The following HMCN1 variants were observed in gnomAD, a reference collection of about 807,000 sequenced individuals.
The protein encoded by HMCN1 is hemicentin 1.
A neutral mutation model predicts 625.9 loss-of-function variants in HMCN1; 321 were observed. The observed-to-expected ratio is 0.51, with a 90% CI of 0.47 to 0.56. The LOEUF (loss-of-function observed/expected upper bound fraction) is 0.56. HMCN1 is among the 20% of genes least tolerant of loss of function. The pLI, the probability that HMCN1 is intolerant of heterozygous loss-of-function variation, is 0.00. For synonymous variants in HMCN1, 2,425 were observed against 2,417.6 expected (o/e 1.00, Z -0.09); for missense variants, 6,588 against 6,887.3 (o/e 0.96, Z 1.54).
In HMCN1 at chr1:185,997,409, T is replaced by C. The variant is rs762251311; in HGVS notation, c.3779-20T>C. On this transcript the variant is annotated intron_variant, in intron 24 of 106. Coordinates refer to ENST00000271588, the MANE Select transcript of HMCN1 (RefSeq NM_031935.3). ...ATTGCTCAAAGAAAGCCTGTGATAA[T>C]GCATTTATTTTCCTAATAGAACCAC... 8 of 1,486,594 alleles carry C rather than the reference T, an allele frequency of 5.4e-6. No homozygotes were observed. The highest frequency in any genetic ancestry group is 1.7e-4 in the Middle Eastern group (1 of 5,848). 92.1% of individuals were successfully genotyped at this position (1,486,594 alleles called of 1,614,324 possible).
chr1:186,154,367 C>T (rs1031539715), intron 97 of HMCN1, among the ~76,000 whole-genome samples: 2 of 152,062 alleles, frequency 1.3e-5, no homozygotes, highest in African/African-American at 4.8e-5. Flanking sequence ...CATGGTAATA[C>T]AAAAATTAGC....
chr1:185,796,626 CTGTGTGTGTG>C (rs150495815), intron 1 of HMCN1, among the ~76,000 whole-genome samples: 11 of 148,784 alleles, frequency 7.4e-5, no homozygotes, highest in South Asian at 2.1e-4. Context: ...GAGTTTGTGT[CTGTGTGTGTG>C]TGTGTGTGTG....
chr1:185,987,087 A>G (rs1453758159), intron 19 of HMCN1, among the ~76,000 whole-genome samples: 1 of 151,790 alleles, frequency 6.6e-6, no homozygotes, highest in Non-Finnish European at 1.5e-5. Flanking sequence ...GGAGACATGC[A>G]TTAAATGTGT....
chr1:186,007,460 A>T (rs925353525), intron 30 of HMCN1, among the ~76,000 whole-genome samples, 178 bp downstream of exon 30: 3 of 152,166 alleles, frequency 2.0e-5, no homozygotes, highest in African/African-American at 7.2e-5. Flanking sequence ...ATCAAATTTT[A>T]ATGCCTTTTT....
chr1:186,000,765 A>G (rs1179606926), intron 26 of HMCN1, among the ~76,000 whole-genome samples: 1 of 152,072 alleles, frequency 6.6e-6, no homozygotes, highest in Non-Finnish European at 1.5e-5. Flanking sequence ...CTAACTGTAT[A>G]GCATCTCATT....
At chr1:185,782,772 C>T (rs1268996451) in intron 1 of HMCN1, among the ~76,000 whole-genome samples, 1 of 152,114 alleles carries the variant, frequency 6.6e-6, no homozygotes, top group East Asian at 1.9e-4. Context: ...TCTGGGTGCC[C>T]TTAACATTTT....
intron 11 of HMCN1, among the ~76,000 whole-genome samples, chr1:185,942,366 C>G (rs1380169199): frequency 6.6e-6 from 1 of 152,042 alleles, no homozygotes; most frequent in African/African-American, 2.4e-5. Flanking sequence ...TTTAAGTGAG[C>G]TAGTGGAAAA....
chr1:186,157,361 C>T (rs1446514946), intron 97 of HMCN1, among the ~76,000 whole-genome samples: 1 of 151,930 alleles, frequency 6.6e-6, no homozygotes. Flanking sequence ...ATATGAAAAT[C>T]AATAAAAGGA....
Position 185,962,558 on chromosome 1 carries a change from C to T in HMCN1, c.1869C>T (p.Phe623=). Residue 623 remains phenylalanine, a synonymous_variant, in exon 12 of 107, where the codon TTC becomes TTT. Transcript: ENST00000271588. ...CTGTGATGCCCAAGAATCAGTCTTT[C>T]ACAGGAGGGTCTGAGGTCTCCATCA... ...KVTVMPKNQS[F]TGGSEVSIMC... is the part of the protein sequence containing the mutation. 1.9e-6 allele frequency: 3 copies of T among 1,612,610 alleles called. No homozygotes were observed. The highest frequency in any genetic ancestry group is 2.5e-6 in the Non-Finnish European group (3 of 1,178,682).
At chr1:186,040,646 G>A (rs767261164) in intron 39 of HMCN1, among the ~76,000 whole-genome samples, 8 of 152,032 alleles carry the variant, frequency 5.3e-5, no homozygotes, top group Non-Finnish European at 1.0e-4. Context: ...TAATTTTAGC[G>A]TCTTACCTTT....
intron 68 of HMCN1, among the ~76,000 whole-genome samples, chr1:186,101,806 G>C (rs1660396006): frequency 6.6e-6 from 1 of 152,066 alleles, no homozygotes; most frequent in African/African-American, 2.4e-5. Context: ...GAAGTAAGAG[G>C]AGTAAATAAT....
chr1:185,788,591 T>TA (rs796591554), intron 1 of HMCN1, among the ~76,000 whole-genome samples: 2 of 152,306 alleles, frequency 1.3e-5, no homozygotes, highest in South Asian at 2.1e-4. Flanking sequence ...CCATTGTAAT[T>TA]TTCATCCCTT....
At chr1:185,816,863 C>G (rs1010088158) in intron 1 of HMCN1, among the ~76,000 whole-genome samples, 2 of 152,156 alleles carry the variant, frequency 1.3e-5, no homozygotes, top group Admixed American at 1.3e-4. Context: ...TGATGGCTGA[C>G]CATAGCACAT....
rs767227465 is a variant in HMCN1, at chr1:186,016,009, T to C, written c.4961T>C (p.Val1654Ala). ...NLATPLNKQV[V>A]IAHSLTLECK... ...GCCACGCCTTTGAATAAGCAAGTAGTTATTGCTCATTCTCTGACACTGGAG... is the reference window on the plus strand; with the variant it reads ...GCCACGCCTTTGAATAAGCAAGTAGCTATTGCTCATTCTCTGACACTGGAG... The change falls in exon 32 of 107, where the codon GTT (valine) becomes GCT (alanine). Residue 1654 changes from valine to alanine, a missense_variant. Val to Ala is a moderately conservative substitution (Grantham distance 64). Transcript: ENST00000271588. 6 of 1,613,444 alleles carry C rather than the reference T, an allele frequency of 3.7e-6. No homozygotes were observed. In the South Asian group the frequency reaches 6.6e-5, roughly 18 times the overall value.
chr1:185,842,287 G>A (rs755767775), intron 1 of HMCN1, among the ~76,000 whole-genome samples: 2 of 152,142 alleles, frequency 1.3e-5, no homozygotes, highest in South Asian at 2.1e-4. Context: ...ATTTTCTAGC[G>A]AAGTTGCTTT....
intron 11 of HMCN1, among the ~76,000 whole-genome samples, chr1:185,959,416 T>C (rs1300104700): frequency 6.6e-6 from 1 of 152,226 alleles, no homozygotes; most frequent in East Asian, 1.9e-4. Flanking sequence ...CCATTAATAG[T>C]GTATTAAGAT....
At chr1:186,132,600 T>C (rs1662001051) in intron 86 of HMCN1, among the ~76,000 whole-genome samples, 191 bp downstream of exon 86, 1 of 152,178 alleles carries the variant, frequency 6.6e-6, no homozygotes, top group Non-Finnish European at 1.5e-5. Flanking sequence ...TATTTTTCTC[T>C]ATTTTATCTA....
intron 6 of HMCN1, among the ~76,000 whole-genome samples, chr1:185,912,164 C>T (rs1052499651): frequency 3.3e-5 from 5 of 152,164 alleles, no homozygotes; most frequent in Admixed American, 6.5e-5. Context: ...CACGCCTTAA[C>T]GGCTGCACTG....
intron 1 of HMCN1, among the ~76,000 whole-genome samples, chr1:185,828,723 A>G (rs1204194022): frequency 1.3e-5 from 2 of 152,092 alleles, no homozygotes; most frequent in Non-Finnish European, 2.9e-5. Flanking sequence ...CAAGGGAGGT[A>G]AATTTTTTAA....
Sources: allele counts gnomAD v4.1 joint callset (sites outside exome capture counted in the v4.1 genomes callset), GRCh38; gene constraint gnomAD v4.1.1; transcripts MANE v1.5; gene names NCBI Gene and HGNC (gene_info 2026-07-23, HGNC 2026-07-21).